AP2M1: variants seen among roughly 807,000 people sequenced by gnomAD.
AP2M1 encodes the protein adaptor related protein complex 2 subunit mu 1.
In AP2M1, 5 loss-of-function variants were observed where a neutral mutation model predicts 54.5. The ratio of observed to expected loss-of-function variants is 0.09; its 90% confidence interval spans 0.05 to 0.19. The LOEUF is 0.19. AP2M1 is among the 10% of genes least tolerant of loss of function. The probability of loss-of-function intolerance (pLI) is 1.00; values close to 1 mark genes in which losing one functional copy is unlikely to be tolerated. For missense variants in AP2M1, 178 were observed against 580.2 expected, an observed-to-expected ratio of 0.31 and a Z score of 7.12; for synonymous variants, 186 against 208.2, an observed-to-expected ratio of 0.89 and a Z score of 0.92.
chr3:184,175,216 C>T, intron 1 of AP2M1: 1 of 381,090 alleles, frequency 2.6e-6, no homozygotes, highest in East Asian at 3.7e-5. Context: ...TTGGAATCCT[C>T]CCAGAGCAGG....
rs1311989882 is a variant in AP2M1 at position 184,180,766 on chromosome 3, T to C, written c.430-83T>C. ...GGTGGGGACTAGAAGGGATGGGGAA[T>C]GAGGGTGGAGTGGGGATAGAGACAG... On this transcript the variant is annotated intron_variant, in intron 5 of 11. Transcript: ENST00000292807. The surrounding 1 kb of genome is among the most constrained non-coding windows in gnomAD (Gnocchi z 4.9). 1.9e-6 allele frequency: 3 copies of C among 1,613,836 alleles called. No individual in the cohort carries two copies. The highest frequency in any genetic ancestry group is 2.7e-5 in the African/African-American group (2 of 74,870).
At chr3:184,179,675 T>TTG (rs1460871233) in intron 3 of AP2M1, among the ~76,000 whole-genome samples, 31 of 151,366 alleles carry the variant, frequency 2.0e-4, no homozygotes, top group Admixed American at 6.6e-5. Flanking sequence ...TTTTTTTTTT[T>TTG]TTTGAGACAG....
rs778990308 is a variant in AP2M1, at chr3:184,183,550, C to T, written c.1242C>T (p.Ser414=). The T allele has an allele frequency of 4.3e-6, 7 of 1,614,176 alleles. No individual in the cohort carries two copies. Among genetic ancestry groups the T allele is most frequent in the East Asian group, 4.5e-5 (2 of 44,884 alleles). Reference sequence around the variant, plus strand: ...TGTTTGAACCGAAGCTGAACTACAGCGACCATGATGTCATCAAATGGGTGC... The same window carrying T: ...TGTTTGAACCGAAGCTGAACTACAGTGACCATGATGTCATCAAATGGGTGC... The part of the protein sequence containing the change: ...LKVFEPKLNY[S]DHDVIKWVRY... Residue 414 remains serine (S), a synonymous_variant, in exon 12 of 12, where the codon AGC becomes AGT. Transcript: ENST00000292807. This position sits in a 1 kb window ranked among gnomAD's most constrained non-coding sequence, Gnocchi z 5.7.
At position 184,178,854 on chromosome 3, in the gene AP2M1, C is replaced by T; in HGVS notation, c.75-3C>T. 1 of 1,613,512 alleles carries T rather than the reference C, an allele frequency of 6.2e-7. No individual in the cohort carries two copies. The highest frequency in any genetic ancestry group is 8.5e-7 in the Non-Finnish European group (1 of 1,179,736). ...GCAGGCCCTATGCACTCTTTTCCCTCAGGAGGAACGCAGTGGATGCCTTTC... is the reference window on the plus strand; with the variant it reads ...GCAGGCCCTATGCACTCTTTTCCCTTAGGAGGAACGCAGTGGATGCCTTTC... On this transcript the variant is annotated splice_polypyrimidine_tract_variant and splice_region_variant and intron_variant, in intron 2 of 11. Transcript: ENST00000292807. The surrounding 1 kb of genome is among the most constrained non-coding windows in gnomAD (Gnocchi z 4.9).
At chr3:184,175,638 G>C (rs531987855) in intron 1 of AP2M1, among the ~76,000 whole-genome samples, 2 of 151,962 alleles carry the variant, frequency 1.3e-5, no homozygotes, top group Non-Finnish European at 2.9e-5. Context: ...CACTCCACCA[G>C]CCCAGTTTGC....
In AP2M1 at chr3:184,182,396, C is replaced by A; in HGVS notation, c.1061+148C>A. 1.2e-6 allele frequency: 1 copy of A among 821,002 alleles called. No homozygotes were observed. The allele number at this position is 821,002 out of a possible 1,614,324, so 50.9% of individuals were successfully genotyped here. ...CTGCTTGTACTGTCAGTCTTTATAC[C>A]TCCATGTGAGTATGTACACGCCTGC... On this transcript the variant is annotated intron_variant, in intron 10 of 11. Transcript: ENST00000292807. This position sits in a 1 kb window ranked among gnomAD's most constrained non-coding sequence, Gnocchi z 5.5.
intron 2 of AP2M1, chr3:184,177,698 T>C: frequency 7.8e-7 from 1 of 1,283,084 alleles, no homozygotes; most frequent in Non-Finnish European, 1.1e-6. Flanking sequence ...ATCCTGGGCC[T>C]TCACACAGAG....
In AP2M1 at chr3:184,180,024, G is replaced by C. The variant is rs963757357; in HGVS notation, c.341-145G>C. ...GTTTTCCTGTAAAGCACAAATCACA[G>C]AATAAATGCTACAAAGCTAGAAGAC... On this transcript the variant is annotated intron_variant, in intron 3 of 11. Coordinates refer to ENST00000292807, the MANE Select transcript of AP2M1 (RefSeq NM_004068.4). This position sits in a 1 kb window ranked among gnomAD's most constrained non-coding sequence, Gnocchi z 4.9. The C allele has an allele frequency of 7.0e-6, 5 of 716,176 alleles. No homozygotes were observed. Among genetic ancestry groups the C allele is most frequent in the Admixed American group, 2.8e-5 (1 of 35,140 alleles). The allele number at this position is 716,176 out of a possible 1,614,324, so 44.4% of individuals were successfully genotyped here. A position where few individuals can be genotyped will look rare whatever the true frequency, so the allele number is the denominator to read the frequency against.
At chr3:184,177,911 G>C (rs2109028934) in intron 2 of AP2M1, 2 of 597,780 alleles carry the variant, frequency 3.3e-6, no homozygotes, top group East Asian at 5.5e-5. Context: ...TGATGGGCTG[G>C]CTTGGCCCTT....
At chr3:184,176,917 A>G in intron 1 of AP2M1, 34 bp from the exon 2 acceptor site, 2 of 1,470,342 alleles carry the variant, frequency 1.4e-6, no homozygotes, top group Middle Eastern at 1.7e-4. Flanking sequence ...AGCGATTCTG[A>G]GGTCTTCTTT....
At chr3:184,177,690 C>T (rs1223730169) in intron 2 of AP2M1, 9 of 1,336,694 alleles carry the variant, frequency 6.7e-6, no homozygotes, top group Middle Eastern at 2.0e-4. Flanking sequence ...AGCTCCATAT[C>T]CTGGGCCTTC....
chr3:184,182,428 G>T lies in AP2M1; in HGVS notation c.1061+180G>T, dbSNP rs1715304225. On this transcript the variant is annotated intron_variant, in intron 10 of 11. Transcript: ENST00000292807. This position sits in a 1 kb window ranked among gnomAD's most constrained non-coding sequence, Gnocchi z 5.5. ...TGAGTATGTACACGCCTGCATTTGG[G>T]TTCATGCACGTGCTTATTTTTTAAG... The T allele has an allele frequency of 3.1e-6, 2 of 648,268 alleles. No homozygotes were observed. Among genetic ancestry groups the T allele is most frequent in the African/African-American group, 1.8e-5 (1 of 54,646 alleles). The allele number at this position is 648,268 out of a possible 1,614,324, so 40.2% of individuals were successfully genotyped here.
Position 184,182,093 on chromosome 3 carries a change from A to G in AP2M1, c.963+46A>G. ...GAGGAGGAAGAACTTGTCCCTAGGAATAAAGGTAGCTGATGTCACAGCTTG... is the reference window on the plus strand; with the variant it reads ...GAGGAGGAAGAACTTGTCCCTAGGAGTAAAGGTAGCTGATGTCACAGCTTG... On this transcript the variant is annotated intron_variant, in intron 9 of 11. Transcript: ENST00000292807. This position sits in a 1 kb window ranked among gnomAD's most constrained non-coding sequence, Gnocchi z 5.5. 2 of 1,611,554 alleles carry G rather than the reference A, an allele frequency of 1.2e-6. No homozygotes were observed. The highest frequency in any genetic ancestry group is 1.7e-6 in the Non-Finnish European group (2 of 1,178,352).
chr3:184,182,784 A>G lies in AP2M1; in HGVS notation c.1089A>G (p.Glu363=). The G allele has an allele frequency of 6.2e-7, 1 of 1,614,082 alleles. No individual in the cohort carries two copies. Among genetic ancestry groups the G allele is most frequent in the South Asian group, 1.1e-5 (1 of 91,084 alleles). Residue 363 remains glutamate, a synonymous_variant, in exon 11 of 12, where the codon GAA becomes GAG. Coordinates refer to ENST00000292807, the MANE Select transcript of AP2M1 (RefSeq NM_004068.4). This position sits in a 1 kb window ranked among gnomAD's most constrained non-coding sequence, Gnocchi z 5.5. ...TCAAGCGCATGGCAGGCATGAAGGAATCGCAGATCAGCGCAGAGATTGAGC... is the reference window on the plus strand; with the variant it reads ...TCAAGCGCATGGCAGGCATGAAGGAGTCGCAGATCAGCGCAGAGATTGAGC... ...WKIKRMAGMK[E]SQISAEIELL...
chr3:184,181,936 C>T lies in AP2M1; in HGVS notation c.852C>T (p.Ile284=). The change falls in exon 9 of 12, where the codon ATC becomes ATT. Residue 284 remains isoleucine (I), a synonymous_variant. Coordinates refer to ENST00000292807, the MANE Select transcript of AP2M1 (RefSeq NM_004068.4). This position sits in a 1 kb window ranked among gnomAD's most constrained non-coding sequence, Gnocchi z 5.7. ...LMRYRTTKDI[I]LPFRVIPLVR... ...GGTATCGCACAACCAAGGACATCAT[C>T]CTTCCCTTCCGGGTGATCCCGCTAG... The T allele has an allele frequency of 1.2e-6, 2 of 1,614,176 alleles. No homozygotes were observed. The highest frequency in any genetic ancestry group is 1.7e-6 in the Non-Finnish European group (2 of 1,180,032).
Position 184,178,010 on chromosome 3 carries a change from A to ACC in AP2M1, c.75-842_75-841dup. On this transcript the variant is annotated intron_variant, in intron 2 of 11. Coordinates refer to ENST00000292807, the MANE Select transcript of AP2M1 (RefSeq NM_004068.4). The surrounding 1 kb of genome is among the most constrained non-coding windows in gnomAD (Gnocchi z 4.9). ...GGCCTGTCTGAACCTGGCTGGCTACACCCCCCACCCCAGACCCCCTCCTGC... is the reference window on the plus strand; with the variant it reads ...GGCCTGTCTGAACCTGGCTGGCTACACCCCCCCCACCCCAGACCCCCTCCTGC... 2 of 655,570 alleles carry ACC rather than the reference A, an allele frequency of 3.1e-6. No individual in the cohort carries two copies. The highest frequency in any genetic ancestry group is 2.7e-6 in the Non-Finnish European group (1 of 366,060). 40.6% of individuals were successfully genotyped at this position (655,570 alleles called of 1,614,324 possible).
intron 1 of AP2M1, 33 bp from the exon 2 acceptor site, chr3:184,176,918 G>T: frequency 6.8e-7 from 1 of 1,478,576 alleles, no homozygotes. Context: ...GCGATTCTGA[G>T]GTCTTCTTTT....
rs759532444 is a variant in AP2M1, at chr3:184,178,818, C to T, written c.75-39C>T. The T allele has an allele frequency of 6.2e-7, 1 of 1,603,858 alleles. No homozygotes were observed. Among genetic ancestry groups the T allele is most frequent in the South Asian group, 1.1e-5 (1 of 90,268 alleles). ...TTGATCCTTATGGGGTAAGGTTCAC[C>T]TGGGTGCTGAGCAGGCCCTATGCAC... On this transcript the variant is annotated intron_variant, in intron 2 of 11. Transcript: ENST00000292807. This position sits in a 1 kb window ranked among gnomAD's most constrained non-coding sequence, Gnocchi z 4.9.
intron 2 of AP2M1, chr3:184,177,619 ACT>A: frequency 1.3e-6 from 2 of 1,535,258 alleles, no homozygotes; most frequent in Non-Finnish European, 8.7e-7. Flanking sequence ...AGCGTGAGGC[ACT>A]CTCTGGGTCA....
Sources: gnomAD v4.1 joint callset for allele counts (sites outside exome capture counted in the v4.1 genomes callset) on GRCh38, gnomAD v4.1.1 for gene constraint, Gnocchi (gnomAD v3.1) non-coding constraint, MANE v1.5 for transcripts, NCBI Gene and HGNC (gene_info 2026-07-23, HGNC 2026-07-21) for gene names.